The following GSG1L variants were observed in gnomAD, a reference collection of about 807,000 sequenced individuals.
GSG1L encodes the protein GSG1 like, also known as germ cell-specific gene 1-like protein.
Under a neutral mutation model 42.1 loss-of-function variants are expected in GSG1L, and 24 were observed. The observed-to-expected ratio is 0.57, with a 90% CI of 0.41 to 0.80. The LOEUF (loss-of-function observed/expected upper bound fraction) is 0.80, where lower values mean the gene tolerates loss of function less well. GSG1L is among the 30% of genes least tolerant of loss of function. The pLI is 0.00. For missense variants in GSG1L, 445 were observed against 472.2 expected (o/e 0.94, Z 0.53); for synonymous variants, 215 against 203.5 (o/e 1.06, Z -0.48).
intron 3 of GSG1L, among the ~76,000 whole-genome samples, chr16:27,858,133 C>A (rs762757628): frequency 6.6e-6 from 1 of 152,232 alleles, no homozygotes; most frequent in Non-Finnish European, 1.5e-5. Context: ...CACTTCCCTG[C>A]GGCAACGCTG....
At chr16:27,891,127 G>A (rs545710682) in intron 2 of GSG1L, among the ~76,000 whole-genome samples, 18 of 152,216 alleles carry the variant, frequency 1.2e-4, no homozygotes, top group Non-Finnish European at 1.9e-4. Flanking sequence ...CCGTCCCCCC[G>A]TGCCAAGTGT....
At chr16:27,937,742 C>T (rs889126338) in intron 2 of GSG1L, among the ~76,000 whole-genome samples, 4 of 152,166 alleles carry the variant, frequency 2.6e-5, no homozygotes, top group African/African-American at 9.7e-5. Flanking sequence ...AGGACCACAT[C>T]CCACTCAAAC....
rs1385402314 is a variant in GSG1L, at chr16:27,817,698, T to TA, written c.831-10145dup. On this transcript the variant is annotated intron_variant, in intron 5 of 6. Transcript: ENST00000447459. ...AATCTGTCTTGAACCAATTTTTTCA[T>TA]AAAAAATGAAAATGAAATGAAAAAA... 2.6e-5 allele frequency among the ~76,000 whole-genome samples: 4 copies of TA among 152,002 alleles called. No homozygotes were observed. The East Asian group carries it at 7.7e-4, about 29-fold the overall frequency.
chr16:27,963,150 A>G lies in GSG1L; in HGVS notation c.397+6T>C. 2 of 1,612,726 alleles carry G rather than the reference A, an allele frequency of 1.2e-6. No homozygotes were observed. The highest frequency in any genetic ancestry group is 1.7e-6 in the Non-Finnish European group (2 of 1,178,848). On this transcript the variant is annotated splice_donor_region_variant and intron_variant, in intron 2 of 6. Coordinates refer to ENST00000447459, the MANE Select transcript of GSG1L (RefSeq NM_001109763.2). ...GCTGCCACAGCTCAGCTGGGGTCAC[A>G]CTCACCTTTCTCCGATGCCGGGGCC... is the stretch of plus-strand genomic sequence containing the variant.
chr16:27,962,849 C>T (rs1215961525), intron 2 of GSG1L, among the ~76,000 whole-genome samples: 2 of 152,204 alleles, frequency 1.3e-5, no homozygotes, highest in African/African-American at 4.8e-5. Flanking sequence ...CTTGCCTGAA[C>T]CAAACGTCCA....
intron 2 of GSG1L, among the ~76,000 whole-genome samples, chr16:27,898,720 C>T (rs1217281461): frequency 2.0e-5 from 3 of 151,816 alleles, no homozygotes; most frequent in Non-Finnish European, 4.4e-5. Flanking sequence ...CTCTTTCTCT[C>T]TGGGTGTGTG....
chr16:27,839,893 G>T (rs1709795), intron 4 of GSG1L, among the ~76,000 whole-genome samples: 51,561 of 152,184 alleles, frequency 0.34, 9,013 homozygotes, highest in East Asian at 0.45. Context: ...GGCTAATTGT[G>T]TGGCTTTCAA....
chr16:27,828,439 T>C (rs1015297155), intron 5 of GSG1L, among the ~76,000 whole-genome samples: 2 of 152,202 alleles, frequency 1.3e-5, no homozygotes, highest in African/African-American at 4.8e-5. Context: ...TTTCACTCAA[T>C]GCCATGACAG....
intron 2 of GSG1L, among the ~76,000 whole-genome samples, chr16:27,936,821 A>T (rs896653152): frequency 6.6e-5 from 10 of 152,308 alleles, no homozygotes; most frequent in Admixed American, 6.5e-4. Context: ...CATGCAGGTC[A>T]TTAGTTCCAT....
At chr16:27,847,401 A>G (rs1049173890) in intron 3 of GSG1L, among the ~76,000 whole-genome samples, 4 of 152,214 alleles carry the variant, frequency 2.6e-5, no homozygotes, top group Non-Finnish European at 5.9e-5. Context: ...TTAGAGCAGG[A>G]AGAGCTGTCA....
At chr16:27,849,277 C>G (rs2083480778) in intron 3 of GSG1L, among the ~76,000 whole-genome samples, 2 of 151,040 alleles carry the variant, frequency 1.3e-5, no homozygotes, top group African/African-American at 4.9e-5. Context: ...CAGGCAGGAG[C>G]AGGGCCATGC....
intron 2 of GSG1L, among the ~76,000 whole-genome samples, chr16:27,900,316 C>T (rs2084241978): frequency 6.6e-6 from 1 of 152,224 alleles, no homozygotes; most frequent in South Asian, 2.1e-4. Context: ...CCACTCTATG[C>T]CTTGGGTGCT....
At chr16:27,872,442 G>A (rs926890851) in intron 3 of GSG1L, among the ~76,000 whole-genome samples, 5 of 152,116 alleles carry the variant, frequency 3.3e-5, no homozygotes, top group African/African-American at 4.8e-5. Flanking sequence ...ATAAAATGGG[G>A]ACAATAAGAG....
At chr16:27,923,796 G>A (rs1472547414) in intron 2 of GSG1L, among the ~76,000 whole-genome samples, 1 of 151,562 alleles carries the variant, frequency 6.6e-6, no homozygotes, top group African/African-American at 2.4e-5. Context: ...GAAAGACAGA[G>A]AGAGAGAGAG....
chr16:27,908,260 CTG>C (rs1567514379), intron 2 of GSG1L, among the ~76,000 whole-genome samples: 1 of 152,254 alleles, frequency 6.6e-6, no homozygotes, highest in Non-Finnish European at 1.5e-5. Context: ...AACAGTCTGT[CTG>C]TGCCTAGACA....
intron 1 of GSG1L, among the ~76,000 whole-genome samples, chr16:28,033,772 G>A (rs2085994343): frequency 6.6e-6 from 1 of 152,168 alleles, no homozygotes; most frequent in Non-Finnish European, 1.5e-5. Flanking sequence ...GTAGTATGAA[G>A]CCATTAATAT....
At chr16:27,947,553 GAA>G (rs1276149778) in intron 2 of GSG1L, among the ~76,000 whole-genome samples, 1 of 69,166 alleles carries the variant, frequency 1.4e-5, no homozygotes, top group Non-Finnish European at 3.2e-5. Context: ...AAGAAAGAAA[GAA>G]AGAAAGAAAG....
intron 2 of GSG1L, among the ~76,000 whole-genome samples, chr16:27,945,090 A>AG (rs1342021354): frequency 4.0e-5 from 6 of 151,342 alleles, no homozygotes; most frequent in African/African-American, 1.5e-4. Context: ...AAAAAAAAAA[A>AG]AAAAAATAGA....
intron 2 of GSG1L, among the ~76,000 whole-genome samples, chr16:27,941,128 C>T (rs957041513): frequency 2.6e-5 from 4 of 151,882 alleles, no homozygotes; most frequent in Non-Finnish European, 4.4e-5. Flanking sequence ...AAAGCACAGG[C>T]ATCAAAGGAA....
Sources: allele counts gnomAD v4.1 joint callset (sites outside exome capture counted in the v4.1 genomes callset), GRCh38; gene constraint gnomAD v4.1.1; transcripts MANE v1.5; gene names NCBI Gene and HGNC (gene_info 2026-07-23, HGNC 2026-07-21).